FAT4: variants seen among roughly 807,000 people sequenced by gnomAD.
The protein encoded by FAT4 is protocadherin Fat 4.
FAT4 carries 84 observed loss-of-function variants against 303.9 expected under a neutral mutation model. That is an observed-to-expected ratio of 0.28 (90% CI 0.23 to 0.33). FAT4 has a LOEUF of 0.33. Among genes scored for constraint, FAT4 ranks in the 10% least tolerant of loss-of-function variants. The probability of loss-of-function intolerance (pLI) is 1.00; values close to 1 mark genes in which losing one functional copy is unlikely to be tolerated. For synonymous variants in FAT4, 2,307 were observed against 2,298.8 expected, an observed-to-expected ratio of 1.00 and a Z score of -0.10; for missense variants, 6,005 against 6,146.8, an observed-to-expected ratio of 0.98 and a Z score of 0.77.
chr4:125,362,379 A>C (rs1390559370), intron 2 of FAT4, among the ~76,000 whole-genome samples: 4 of 152,116 alleles, frequency 2.6e-5, no homozygotes, highest in Admixed American at 6.6e-5. Flanking sequence ...TCAGGTATAC[A>C]TTGAAAGATA....
intron 7 of FAT4, among the ~76,000 whole-genome samples, chr4:125,430,573 A>T (rs1471976166): frequency 2.0e-5 from 3 of 152,120 alleles, no homozygotes; most frequent in Non-Finnish European, 4.4e-5. Flanking sequence ...AAAATTTTTA[A>T]AACTAACAAG....
At chr4:125,384,329 CTTG>C (rs754149871) in intron 2 of FAT4, among the ~76,000 whole-genome samples, 1 of 152,104 alleles carries the variant, frequency 6.6e-6, no homozygotes, top group Non-Finnish European at 1.5e-5. Flanking sequence ...CTCACCAACA[CTTG>C]TTATTATCTG....
intron 2 of FAT4, among the ~76,000 whole-genome samples, chr4:125,332,159 CTTTTT>C (rs199702900): frequency 7.5e-6 from 1 of 133,304 alleles, no homozygotes; most frequent in Non-Finnish European, 1.6e-5. Context: ...CCGTTCCATT[CTTTTT>C]TTTTTTTTTT....
intron 8 of FAT4, among the ~76,000 whole-genome samples, chr4:125,435,394 T>C (rs903404731): frequency 5.9e-5 from 9 of 152,190 alleles, no homozygotes; most frequent in Non-Finnish European, 8.8e-5. Context: ...TAGATGGCTA[T>C]GAAAGTAATG....
intron 11 of FAT4, among the ~76,000 whole-genome samples, chr4:125,466,646 T>C (rs1726671292): frequency 6.6e-6 from 1 of 150,648 alleles, no homozygotes; most frequent in South Asian, 2.1e-4. Context: ...GATTATACTA[T>C]GTATAAAATA....
chr4:125,433,502 C>G (rs1051532581), intron 7 of FAT4, among the ~76,000 whole-genome samples: 1 of 152,198 alleles, frequency 6.6e-6, no homozygotes, highest in Non-Finnish European at 1.5e-5. Context: ...CATATGGCAT[C>G]TAGCCTTCAC....
Position 125,490,748 on chromosome 4 carries a change from C to G in FAT4, c.13932C>G (p.Phe4644Leu). ...DADIIQHYKQ[F>L]RSHTPKFSIQ... ...ACATCATTCAACACTACAAGCAGTT[C>G]CGCAGCCACACACCAAAATTTTCAA... The change falls in exon 18 of 18, where the codon TTC becomes TTG. Residue 4644 changes from phenylalanine (F) to leucine (L), a missense_variant. Transcript: ENST00000394329. The G allele has an allele frequency of 6.2e-7, 1 of 1,614,120 alleles. No individual in the cohort carries two copies. Among genetic ancestry groups the G allele is most frequent in the Non-Finnish European group, 8.5e-7 (1 of 1,180,040 alleles).
chr4:125,319,527 A>G lies in FAT4; in HGVS notation c.3116A>G (p.Asn1039Ser). 1.2e-6 allele frequency: 2 copies of G among 1,614,200 alleles called. No homozygotes were observed. The highest frequency in any genetic ancestry group is 1.7e-6 in the Non-Finnish European group (2 of 1,180,022). Residue 1039 changes from asparagine to serine, a missense_variant, in exon 2 of 18, where the codon AAT becomes AGT. Coordinates refer to ENST00000394329, the MANE Select transcript of FAT4 (RefSeq NM_001291303.3). Reference sequence around the variant, plus strand: ...ATTGCATACACCATTGCTGAAGGAAATACAGGGGATGCTTTTGGCATATTC... The same window carrying G: ...ATTGCATACACCATTGCTGAAGGAAGTACAGGGGATGCTTTTGGCATATTC... ...GEIAYTIAEG[N>S]TGDAFGIFPD...
At chr4:125,403,236 T>C (rs1734457782) in intron 3 of FAT4, among the ~76,000 whole-genome samples, 2 of 152,056 alleles carry the variant, frequency 1.3e-5, no homozygotes, top group African/African-American at 4.8e-5. Flanking sequence ...AATATTATCA[T>C]CCCAGTGTAC....
chr4:125,461,330 T>C (rs1726476515), intron 10 of FAT4, among the ~76,000 whole-genome samples: 1 of 152,054 alleles, frequency 6.6e-6, no homozygotes, highest in Non-Finnish European at 1.5e-5. Context: ...GTAAATGAAA[T>C]TCAAAAAACA....
chr4:125,358,632 G>C (rs1221768963), intron 2 of FAT4, among the ~76,000 whole-genome samples: 1 of 152,100 alleles, frequency 6.6e-6, no homozygotes, highest in Non-Finnish European at 1.5e-5. Context: ...GTGAGTGATG[G>C]GAAGATGGGA....
chr4:125,390,920 A>G (rs1733952273), intron 2 of FAT4, among the ~76,000 whole-genome samples: 1 of 152,214 alleles, frequency 6.6e-6, no homozygotes, highest in Non-Finnish European at 1.5e-5. Context: ...CATGAAAAAA[A>G]GCTCAACATC....
At position 125,452,366 on chromosome 4, in the gene FAT4, G is replaced by C. The variant is rs775624473; in HGVS notation, c.11356G>C (p.Glu3786Gln). 3 of 1,614,188 alleles carry C rather than the reference G, an allele frequency of 1.9e-6. No individual in the cohort carries two copies. Among genetic ancestry groups the C allele is most frequent in the Non-Finnish European group, 2.5e-6 (3 of 1,180,032 alleles). ...VNPSGVATFFESIKEILLRQS... is the reference protein window; with the variant it reads ...VNPSGVATFFQSIKEILLRQS... ...TCCCAGTGGCGTAGCCACCTTCTTT[G>C]AAAGCATCAAAGAGATCCTTCTCCG... is the stretch of plus-strand genomic sequence containing the variant. Residue 3786 changes from glutamate to glutamine, a missense_variant, in exon 10 of 18, where the codon GAA becomes CAA. Transcript: ENST00000394329.
intron 5 of FAT4, among the ~76,000 whole-genome samples, chr4:125,413,768 T>C (rs1734935576): frequency 6.6e-6 from 1 of 151,690 alleles, no homozygotes; most frequent in African/African-American, 2.4e-5. Context: ...AAGAAAAGAG[T>C]AAAAGGGTGA....
rs990391435 is a variant in FAT4, at chr4:125,487,592, G to A, written c.13070G>A (p.Arg4357Gln). The part of the protein sequence containing the change: ...LGGIPPNQAH[R>Q]DAQTAGFDGC... ...GGAATTCCACCCAATCAAGCACATC[G>A]AGATGCCCAAACAGGTAAATGCCTT... is the stretch of plus-strand genomic sequence containing the variant. Residue 4357 changes from arginine (R) to glutamine (Q), a missense_variant, in exon 17 of 18, where the codon CGA (arginine) becomes CAA (glutamine). Coordinates refer to ENST00000394329, the MANE Select transcript of FAT4 (RefSeq NM_001291303.3). 8 of 1,607,810 alleles carry A rather than the reference G, an allele frequency of 5.0e-6. No individual in the cohort carries two copies. The highest frequency in any genetic ancestry group is 2.2e-5 in the East Asian group (1 of 44,754).
At chr4:125,344,779 C>T (rs1203707697) in intron 2 of FAT4, among the ~76,000 whole-genome samples, 1 of 151,912 alleles carries the variant, frequency 6.6e-6, no homozygotes, top group African/African-American at 2.4e-5. Context: ...AATGCTTACC[C>T]CATTGATAAA....
At chr4:125,378,105 C>T (rs927837983) in intron 2 of FAT4, among the ~76,000 whole-genome samples, 1 of 152,040 alleles carries the variant, frequency 6.6e-6, no homozygotes, top group African/African-American at 2.4e-5. Flanking sequence ...ATATGCCAAT[C>T]CTGCTCCAGA....
intron 2 of FAT4, among the ~76,000 whole-genome samples, chr4:125,323,162 T>TA (rs1731022138): frequency 6.6e-6 from 1 of 152,228 alleles, no homozygotes; most frequent in African/African-American, 2.4e-5. Context: ...ATGAATTTGT[T>TA]AAACTGTAAA....
intron 2 of FAT4, among the ~76,000 whole-genome samples, chr4:125,323,880 A>C (rs986479170): frequency 6.6e-6 from 1 of 152,196 alleles, no homozygotes; most frequent in South Asian, 2.1e-4. Context: ...TTGCTTACTC[A>C]GGTTTCTGGC....
Sources: allele counts gnomAD v4.1 joint callset (sites outside exome capture counted in the v4.1 genomes callset), GRCh38; gene constraint gnomAD v4.1.1; transcripts MANE v1.5; gene names NCBI Gene and HGNC (gene_info 2026-07-23, HGNC 2026-07-21).